Variants in MCTP1 observed in about 807,000 individuals in gnomAD.
The protein encoded by MCTP1 is multiple C2 and transmembrane domain-containing protein 1.
MCTP1 carries 69 observed loss-of-function variants against 120.6 expected under a neutral mutation model. That is an observed-to-expected ratio of 0.57 (90% CI 0.47 to 0.70). MCTP1 has a LOEUF of 0.70. Ranked by LOEUF, MCTP1 falls within the 30% of genes least tolerant of loss-of-function variation. MCTP1 has a pLI of 0.00. For missense variants in MCTP1, 1,203 were observed against 1,248.8 expected (o/e 0.96, Z 0.55); for synonymous variants, 529 against 493.1 (o/e 1.07, Z -0.96).
chr5:94,710,646 T>A, intron 21 of MCTP1, 172 bp downstream of exon 21: 1 of 526,056 alleles, frequency 1.9e-6, no homozygotes, highest in South Asian at 2.9e-5. Context: ...ATTTTGCAGG[T>A]GGACCTAAAT....
intron 16 of MCTP1, 110 bp from the exon 17 acceptor site, chr5:94,868,562 A>C (rs1797248371): frequency 1.3e-6 from 1 of 752,056 alleles, no homozygotes; most frequent in Admixed American, 3.9e-5. Context: ...GAAAGTTAAT[A>C]AAGTTACAAG....
chr5:94,878,118 C>G (rs984131984), intron 12 of MCTP1, among the ~76,000 whole-genome samples: 2 of 152,028 alleles, frequency 1.3e-5, no homozygotes. Flanking sequence ...TATTTTAATC[C>G]TTTAAAAAAT....
At chr5:95,010,433 T>C (rs1835703825) in intron 2 of MCTP1, among the ~76,000 whole-genome samples, 1 of 152,184 alleles carries the variant, frequency 6.6e-6, no homozygotes, top group Non-Finnish European at 1.5e-5. Flanking sequence ...CTACCAATTA[T>C]ATGTATATAA....
At chr5:94,713,539 A>G (rs1467334587) in intron 20 of MCTP1, among the ~76,000 whole-genome samples, 8 of 152,224 alleles carry the variant, frequency 5.3e-5, no homozygotes, top group Admixed American at 5.2e-4. Context: ...GATAAAAGAA[A>G]GACAGCACTC....
intron 1 of MCTP1, among the ~76,000 whole-genome samples, chr5:95,040,597 C>G (rs1247305880): frequency 1.3e-5 from 2 of 152,134 alleles, no homozygotes; most frequent in East Asian, 3.9e-4. Context: ...GGTGGTAACA[C>G]ACCTTCCTAT....
At chr5:95,215,434 T>A (rs1752930015) in intron 1 of MCTP1, among the ~76,000 whole-genome samples, 1 of 152,190 alleles carries the variant, frequency 6.6e-6, no homozygotes, top group Admixed American at 6.6e-5. Flanking sequence ...TGGGAGATCA[T>A]CATGTTATCA....
At chr5:94,738,940 T>G (rs897159149) in intron 19 of MCTP1, among the ~76,000 whole-genome samples, 2 of 152,252 alleles carry the variant, frequency 1.3e-5, no homozygotes, top group African/African-American at 2.4e-5. Flanking sequence ...TCTGATCACC[T>G]TGTCATCTTT....
Position 95,002,564 on chromosome 5 carries a change from G to A in MCTP1, c.838+14803C>T, listed in dbSNP as rs1022616640. On this transcript the variant is annotated intron_variant, in intron 2 of 22. Coordinates refer to ENST00000515393, the MANE Select transcript of MCTP1 (RefSeq NM_024717.7). ...TCATTTGGGAACATTAAGATTTAAC[G>A]ACTGCCCTATTGGATTTTGGACTTG... 3.9e-5 allele frequency among the ~76,000 whole-genome samples: 6 copies of A among 152,314 alleles called. No homozygotes were observed. The South Asian group carries it at 6.2e-4, about 16-fold the overall frequency.
chr5:95,237,226 C>T (rs17084533), intron 1 of MCTP1, among the ~76,000 whole-genome samples: 20,999 of 152,120 alleles, frequency 0.14, 2,126 homozygotes, highest in East Asian at 0.43. Flanking sequence ...GTGTGTGCTA[C>T]TACTCAGCCC....
At chr5:94,734,990 A>C (rs1763898829) in intron 19 of MCTP1, among the ~76,000 whole-genome samples, 1 of 152,198 alleles carries the variant, frequency 6.6e-6, no homozygotes, top group Non-Finnish European at 1.5e-5. Context: ...CCACAAAAAA[A>C]GTAGTAGCAA....
chr5:95,001,203 C>T lies in MCTP1; in HGVS notation c.838+16164G>A, dbSNP rs535367341. On this transcript the variant is annotated intron_variant, in intron 2 of 22. Transcript: ENST00000515393. ...CATGTGGAACTGTGAGTCAATTAAA[C>T]CTCTTTTCTTTATAAATTACCCAGT... 3.9e-5 allele frequency among the ~76,000 whole-genome samples: 6 copies of T among 152,336 alleles called. No individual in the cohort carries two copies. The East Asian group carries it at 9.6e-4, about 24-fold the overall frequency.
intron 17 of MCTP1, among the ~76,000 whole-genome samples, chr5:94,854,471 C>T (rs566993857): frequency 6.6e-6 from 1 of 151,780 alleles, no homozygotes; most frequent in Non-Finnish European, 1.5e-5. Flanking sequence ...AGAAAATGTG[C>T]TAATTGACTA....
At chr5:95,157,036 TAA>T (rs149298451) in intron 1 of MCTP1, among the ~76,000 whole-genome samples, 17,804 of 152,200 alleles carry the variant, frequency 0.12, 1,601 homozygotes, top group East Asian at 0.46. Flanking sequence ...ATCACCTTAA[TAA>T]AGTGCCCGGT....
chr5:94,850,390 T>C (rs1581027288), intron 17 of MCTP1, among the ~76,000 whole-genome samples: 1 of 152,196 alleles, frequency 6.6e-6, no homozygotes, highest in Non-Finnish European at 1.5e-5. Context: ...TTAACAGATC[T>C]GTAATGGTGT....
At chr5:94,959,945 A>G (rs904113011) in intron 2 of MCTP1, among the ~76,000 whole-genome samples, 3 of 152,222 alleles carry the variant, frequency 2.0e-5, no homozygotes. Flanking sequence ...GAACCAAAAA[A>G]GAGCCTGTGT....
intron 1 of MCTP1, among the ~76,000 whole-genome samples, chr5:95,226,908 A>G (rs1489574868): frequency 6.6e-6 from 1 of 152,182 alleles, no homozygotes; most frequent in Non-Finnish European, 1.5e-5. Flanking sequence ...CAGCTATGCA[A>G]TATCAGATAA....
At position 94,844,301 on chromosome 5, in the gene MCTP1, C is replaced by CAAAA. The variant is rs59169145; in HGVS notation, c.2436+24028_2436+24031dup. ...TGGGCGACAGAGTGAGACTCTGTCT[C>CAAAA]AAAAAAAAAAAAAAAAAAAAGAAAA... On this transcript the variant is annotated intron_variant, in intron 17 of 22. Coordinates refer to ENST00000515393, the MANE Select transcript of MCTP1 (RefSeq NM_024717.7). Among the ~76,000 whole-genome samples the CAAAA allele has an allele frequency of 2.6e-3, 210 of 79,670 alleles. 13 individuals are homozygous for CAAAA. Among genetic ancestry groups the CAAAA allele is most frequent in the African/African-American group, 3.0e-3 (57 of 18,692 alleles). 52.3% of individuals were successfully genotyped at this position (79,670 alleles called of 152,430 possible). A position where few individuals can be genotyped will look rare whatever the true frequency, so the allele number is the denominator to read the frequency against.
intron 1 of MCTP1, among the ~76,000 whole-genome samples, chr5:95,182,236 C>A (rs892422153): frequency 1.3e-5 from 2 of 152,124 alleles, no homozygotes; most frequent in African/African-American, 4.8e-5. Context: ...TGAAAAACTT[C>A]CCCTTAAAGG....
At chr5:95,094,856 T>C (rs961101896) in intron 1 of MCTP1, among the ~76,000 whole-genome samples, 2 of 152,084 alleles carry the variant, frequency 1.3e-5, no homozygotes, top group Non-Finnish European at 2.9e-5. Flanking sequence ...AGATTTTTTT[T>C]CTGAATATTC....
Sources: allele counts gnomAD v4.1 joint callset (sites outside exome capture counted in the v4.1 genomes callset), GRCh38; gene constraint gnomAD v4.1.1; transcripts MANE v1.5; gene names NCBI Gene and HGNC (gene_info 2026-07-23, HGNC 2026-07-21).